Variants in SLC36A1 observed in about 807,000 individuals in gnomAD.
SLC36A1 encodes proton-coupled amino acid transporter 1.
SLC36A1 carries 30 observed loss-of-function variants against 47.5 expected under a neutral mutation model. The observed-to-expected ratio is 0.63, with a 90% confidence interval of 0.47 to 0.86. The LOEUF is 0.86. SLC36A1 is among the 40% of genes least tolerant of loss of function. The probability of loss-of-function intolerance (pLI) is 0.00; values close to 1 mark genes in which losing one functional copy is unlikely to be tolerated. For missense variants in SLC36A1, 517 were observed against 606.0 expected, an observed-to-expected ratio of 0.85 and a Z score of 1.54; for synonymous variants, 255 against 249.7, an observed-to-expected ratio of 1.02 and a Z score of -0.20.
At chr5:151,451,978 CTTT>C (rs1753725699) in intron 1 of SLC36A1, among the ~76,000 whole-genome samples, 1 of 152,114 alleles carries the variant, frequency 6.6e-6, no homozygotes, top group Non-Finnish European at 1.5e-5. Flanking sequence ...ATGAGTCAGC[CTTT>C]GTGTGTGGGC....
chr5:151,513,412 C>T, the SLC36A1 span, among the ~76,000 whole-genome samples: 1 of 152,098 alleles, frequency 6.6e-6, no homozygotes, highest in Admixed American at 6.6e-5. Flanking sequence ...ACCATTCAGC[C>T]ATAAAAAAGA....
the SLC36A1 span, among the ~76,000 whole-genome samples, chr5:151,387,459 C>T: frequency 1.3e-5 from 2 of 152,332 alleles, no homozygotes; most frequent in East Asian, 3.9e-4. Flanking sequence ...ACTGGAGTCT[C>T]ACTCAAGTGG....
chr5:151,362,516 G>A, the SLC36A1 span, among the ~76,000 whole-genome samples: 14 of 150,104 alleles, frequency 9.3e-5, no homozygotes, highest in South Asian at 4.2e-4. Flanking sequence ...TCAGCCTCCC[G>A]AATAGCTGGG....
the SLC36A1 span, among the ~76,000 whole-genome samples, chr5:151,388,297 TTCAAGACCAGACGG>T: frequency 6.6e-6 from 1 of 152,036 alleles, no homozygotes; most frequent in Non-Finnish European, 1.5e-5. Context: ...AGGTCGGGAA[TTCAAGACCAGACGG>T]TCCAACATGG....
At chr5:151,477,149 A>G (rs940686254) in intron 9 of SLC36A1, among the ~76,000 whole-genome samples, 2 of 152,174 alleles carry the variant, frequency 1.3e-5, no homozygotes, top group African/African-American at 4.8e-5. Flanking sequence ...TGCAGATGGG[A>G]GCATCTCACT....
the SLC36A1 span, among the ~76,000 whole-genome samples, chr5:151,345,987 A>G: frequency 6.6e-6 from 1 of 152,240 alleles, no homozygotes; most frequent in East Asian, 1.9e-4. Context: ...GCTGGTAAGC[A>G]GCTAAGTGGG....
In SLC36A1 at chr5:151,473,708, C is replaced by T. The variant is rs759363443; in HGVS notation, c.759C>T (p.Ala253=). The change falls in exon 8 of 11, where the codon GCC becomes GCT. Residue 253 remains alanine, a synonymous_variant. Transcript: ENST00000243389. ...IPDPSHLPLV[A]PWKTYPLFFG... ...ACCCCAGCCACCTCCCCTTGGTGGC[C>T]CCTTGGAAGACCTACCCTCTCTTCT... 2 of 1,613,926 alleles carry T rather than the reference C, an allele frequency of 1.2e-6. No individual in the cohort carries two copies. Among genetic ancestry groups the T allele is most frequent in the Admixed American group, 3.3e-5 (2 of 60,018 alleles).
chr5:151,544,856 G>T, the SLC36A1 span: 2 of 1,614,210 alleles, frequency 1.2e-6, no homozygotes, highest in Non-Finnish European at 1.7e-6. Flanking sequence ...GCAGATACCT[G>T]AAAGAGGACA....
chr5:151,526,433 T>G, the SLC36A1 span, among the ~76,000 whole-genome samples: 6 of 152,314 alleles, frequency 3.9e-5, no homozygotes, highest in Admixed American at 3.3e-4. Flanking sequence ...GACTAGGAAT[T>G]TAATAAGAAA....
At chr5:151,541,019 G>C in the SLC36A1 span, among the ~76,000 whole-genome samples, 1 of 152,076 alleles carries the variant, frequency 6.6e-6, no homozygotes, top group Admixed American at 6.5e-5. Context: ...CTGAAGGCAG[G>C]GTTTTTTGTT....
chr5:151,536,610 C>T, the SLC36A1 span, among the ~76,000 whole-genome samples: 3 of 152,232 alleles, frequency 2.0e-5, no homozygotes, highest in Non-Finnish European at 4.4e-5. Flanking sequence ...CTGGCTACTC[C>T]TGGCCTACCC....
the SLC36A1 span, among the ~76,000 whole-genome samples, chr5:151,409,308 G>T: frequency 3.9e-5 from 6 of 151,928 alleles, no homozygotes; most frequent in Non-Finnish European, 8.8e-5. Context: ...TGGTTGGGGT[G>T]GGGGGGATAG....
intron 10 of SLC36A1, among the ~76,000 whole-genome samples, chr5:151,480,831 A>G (rs557982434): frequency 6.6e-6 from 1 of 152,340 alleles, no homozygotes; most frequent in East Asian, 1.9e-4. Context: ...CAATTCTTAA[A>G]TCTAAAGGGC....
the SLC36A1 span, chr5:151,542,863 A>G: frequency 6.2e-7 from 1 of 1,614,086 alleles, no homozygotes; most frequent in East Asian, 2.2e-5. Flanking sequence ...TTCGTGGTCC[A>G]TGGGCTTCCT....
the SLC36A1 span, among the ~76,000 whole-genome samples, chr5:151,374,922 T>C: frequency 7.6e-3 from 1,159 of 152,032 alleles, 18 homozygotes; most frequent in African/African-American, 0.026. Flanking sequence ...TTTTTTTTTT[T>C]TGAGTTGTTT....
At chr5:151,545,860 G>C in the SLC36A1 span, 1 of 1,614,204 alleles carries the variant, frequency 6.2e-7, no homozygotes, top group Non-Finnish European at 8.5e-7. Context: ...TAAGAACATA[G>C]GAGCATTGTC....
chr5:151,507,414 A>T, the SLC36A1 span: 1 of 1,614,156 alleles, frequency 6.2e-7, no homozygotes, highest in Non-Finnish European at 8.5e-7. Context: ...CCTGGCCAGG[A>T]GGTCTGGGTC....
intron 7 of SLC36A1, chr5:151,469,221 A>C (rs1757002562): frequency 2.9e-6 from 2 of 699,514 alleles, no homozygotes; most frequent in Non-Finnish European, 5.2e-6. Flanking sequence ...GACCCGCTGT[A>C]TGTGATTGGT....
the SLC36A1 span, chr5:151,521,969 C>G: frequency 4.0e-4 from 641 of 1,614,082 alleles, 1 homozygote; most frequent in Non-Finnish European, 5.0e-4. Context: ...AACTCATCCT[C>G]TCCAACAGTG....
Sources: gnomAD v4.1 joint callset for allele counts (sites outside exome capture counted in the v4.1 genomes callset) on GRCh38, gnomAD v4.1.1 for gene constraint, MANE v1.5 for transcripts, NCBI Gene and HGNC (gene_info 2026-07-23, HGNC 2026-07-21) for gene names.